Variants in MAP4K5 observed in about 807,000 individuals in gnomAD.
MAP4K5 encodes mitogen-activated protein kinase kinase kinase kinase 5.
MAP4K5 carries 82 observed loss-of-function variants against 135.6 expected under a neutral mutation model. The ratio of observed to expected loss-of-function variants is 0.60; its 90% CI spans 0.51 to 0.73. The LOEUF is 0.73. Ranked by LOEUF, MAP4K5 falls within the 30% of genes least tolerant of loss-of-function variation. The pLI is 0.00. For missense variants in MAP4K5, 907 were observed against 1,010.9 expected (o/e 0.90, Z 1.39); for synonymous variants, 347 against 335.0 (o/e 1.04, Z -0.39).
intron 1 of MAP4K5, among the ~76,000 whole-genome samples, chr14:50,545,513 A>T (rs1321099944): frequency 6.6e-6 from 1 of 152,202 alleles, no homozygotes; most frequent in Admixed American, 6.5e-5. Flanking sequence ...GCTTGAGTAC[A>T]GGGATGCTTA....
chr14:50,485,760 A>G (rs906285556), intron 4 of MAP4K5, 118 bp from the exon 5 acceptor site: 37 of 628,978 alleles, frequency 5.9e-5, no homozygotes, highest in Admixed American at 1.3e-4. Flanking sequence ...TGCAACAGGA[A>G]ACTGCTATGT....
Position 50,419,740 on chromosome 14 carries a change from G to GT in MAP4K5, c.*278dup, listed in dbSNP as rs895401521. ...CCATGGCACCCTTGTTACAAACATT[G>GT]TTTTTTTTAAAAAAAGACTGTGTTT... On this transcript the variant is annotated 3_prime_UTR_variant, in exon 33 of 33. Coordinates refer to ENST00000682126, the MANE Select transcript of MAP4K5 (RefSeq NM_006575.6). 2.6e-4 allele frequency: 77 copies of GT among 300,924 alleles called. 1 individual carries two copies. The highest frequency in any genetic ancestry group is 9.9e-4 in the Middle Eastern group (1 of 1,010). The allele number at this position is 300,924 out of a possible 1,614,324, so 18.6% of individuals were successfully genotyped here.
chr14:50,551,406 T>A (rs1314247597), intron 1 of MAP4K5, among the ~76,000 whole-genome samples: 1 of 151,960 alleles, frequency 6.6e-6, no homozygotes, highest in African/African-American at 2.4e-5. Context: ...AAAAAAAATT[T>A]CAGGATCAGA....
Position 50,464,152 on chromosome 14 carries a change from G to C in MAP4K5, c.738-19C>G. The C allele has an allele frequency of 1.6e-6, 2 of 1,255,660 alleles. No individual in the cohort carries two copies. Among genetic ancestry groups the C allele is most frequent in the Non-Finnish European group, 2.3e-6 (2 of 882,430 alleles). The allele number at this position is 1,255,660 out of a possible 1,614,324, so 77.8% of individuals were successfully genotyped here. On this transcript the variant is annotated intron_variant, in intron 11 of 32. Transcript: ENST00000682126. ...TGATGACCTTAAAATAAAAAGAGACGTACAAAAATATTTCACTACTATTAC... is the reference window on the plus strand; with the variant it reads ...TGATGACCTTAAAATAAAAAGAGACCTACAAAAATATTTCACTACTATTAC...
chr14:50,459,986 C>G (rs1398971526), intron 13 of MAP4K5, among the ~76,000 whole-genome samples: 1 of 152,116 alleles, frequency 6.6e-6, no homozygotes, highest in Non-Finnish European at 1.5e-5. Context: ...CAGACAGCCA[C>G]TGTGTCCAAC....
intron 3 of MAP4K5, among the ~76,000 whole-genome samples, chr14:50,489,276 A>C (rs1263687424): frequency 6.6e-6 from 1 of 152,154 alleles, no homozygotes; most frequent in Non-Finnish European, 1.5e-5. Flanking sequence ...TGAGCCCAAG[A>C]GTTTGAGGTT....
chr14:50,464,025 A>T (rs1331950334), intron 12 of MAP4K5, 27 bp downstream of exon 12: 17 of 1,336,060 alleles, frequency 1.3e-5, no homozygotes, highest in Non-Finnish European at 1.6e-5. Context: ...GACTATAGGA[A>T]GACCCCTCGT....
chr14:50,537,103 A>G (rs929198265), upstream of MAP4K5, among the ~76,000 whole-genome samples: 8 of 152,204 alleles, frequency 5.3e-5, no homozygotes, highest in Admixed American at 5.2e-4. Flanking sequence ...CCTAGGAGGA[A>G]AAAGTGGTTT....
chr14:50,466,813 A>C (rs1188854799), intron 10 of MAP4K5, among the ~76,000 whole-genome samples, 168 bp from the exon 11 acceptor site: 1 of 152,196 alleles, frequency 6.6e-6, no homozygotes, highest in African/African-American at 2.4e-5. Flanking sequence ...AGCTTTCAAA[A>C]AATTTCTCTT....
intron 2 of MAP4K5, among the ~76,000 whole-genome samples, chr14:50,517,245 G>C (rs1479628059): frequency 6.6e-6 from 1 of 151,424 alleles, no homozygotes; most frequent in East Asian, 2.0e-4. Flanking sequence ...TCTGCCTCCT[G>C]GGTTGAAGCA....
At chr14:50,474,561 C>T (rs953636580) in intron 9 of MAP4K5, among the ~76,000 whole-genome samples, 1 of 144,026 alleles carries the variant, frequency 6.9e-6, no homozygotes, top group Non-Finnish European at 1.6e-5. Flanking sequence ...GTGGAATGCA[C>T]TAAGAGTGGG....
intron 14 of MAP4K5, among the ~76,000 whole-genome samples, chr14:50,452,033 T>G (rs2036499535): frequency 6.6e-6 from 1 of 152,164 alleles, no homozygotes; most frequent in Non-Finnish European, 1.5e-5. Context: ...GGTATGATAC[T>G]CTCTTGAGAT....
intron 10 of MAP4K5, chr14:50,468,370 A>G (rs2036878894): frequency 3.3e-6 from 1 of 302,056 alleles, no homozygotes; most frequent in South Asian, 8.9e-5. Flanking sequence ...TTTTAGGAGC[A>G]GCAATACAAG....
intron 2 of MAP4K5, among the ~76,000 whole-genome samples, chr14:50,523,351 T>C (rs1405019614): frequency 6.6e-6 from 1 of 152,046 alleles, no homozygotes; most frequent in Non-Finnish European, 1.5e-5. Flanking sequence ...CACAATGACC[T>C]GTGGTCCTGC....
Position 50,437,456 on chromosome 14 carries a change from G to T in MAP4K5, c.1882+20C>A, listed in dbSNP as rs1222307605. 1.9e-6 allele frequency: 3 copies of T among 1,570,752 alleles called. No homozygotes were observed. The highest frequency in any genetic ancestry group is 2.6e-6 in the Non-Finnish European group (3 of 1,150,554). On this transcript the variant is annotated intron_variant, in intron 26 of 32. Transcript: ENST00000682126. The stretch of plus-strand genomic sequence containing the variant: ...GTTAAAAGTTCTAACCATTCAGTTT[G>T]AGAAATACCATTTACTCACCTATGC...
At chr14:50,534,919 T>C (rs2038473604), upstream of MAP4K5, among the ~76,000 whole-genome samples, 1 of 152,240 alleles carries the variant, frequency 6.6e-6, no homozygotes. Context: ...TCCTAGACAA[T>C]TAAGCAAACA....
intron 14 of MAP4K5, among the ~76,000 whole-genome samples, chr14:50,453,544 A>T (rs1378711466): frequency 6.6e-6 from 1 of 152,166 alleles, no homozygotes; most frequent in Non-Finnish European, 1.5e-5. Context: ...TGCTACATGA[A>T]ATCACATTTA....
intron 2 of MAP4K5, among the ~76,000 whole-genome samples, chr14:50,520,588 C>G (rs1375876231): frequency 6.6e-6 from 1 of 152,166 alleles, no homozygotes; most frequent in African/African-American, 2.4e-5. Flanking sequence ...CTAGCTAATG[C>G]TACTTAAGGC....
chr14:50,442,900 C>T, intron 20 of MAP4K5, 84 bp from the exon 21 acceptor site: 1 of 750,264 alleles, frequency 1.3e-6, no homozygotes, highest in Admixed American at 2.7e-5. Flanking sequence ...CATTGAAATA[C>T]CAAATTAACT....
Sources: allele counts gnomAD v4.1 joint callset (sites outside exome capture counted in the v4.1 genomes callset), GRCh38; gene constraint gnomAD v4.1.1; transcripts MANE v1.5; gene names NCBI Gene and HGNC (gene_info 2026-07-23, HGNC 2026-07-21).